RPS6KA4: variants seen among roughly 807,000 people sequenced by gnomAD.
The protein encoded by RPS6KA4 is ribosomal protein S6 kinase alpha-4.
A neutral mutation model predicts 89.6 loss-of-function variants in RPS6KA4; 38 were observed. That is an observed-to-expected ratio of 0.42 (90% confidence interval 0.33 to 0.56). RPS6KA4 has a LOEUF of 0.56. Ranked by LOEUF, RPS6KA4 falls within the 20% of genes least tolerant of loss-of-function variation. The pLI is 0.07. For synonymous variants in RPS6KA4, 495 were observed against 492.8 expected (o/e 1.00, Z -0.06); for missense variants, 873 against 1,098.8 (o/e 0.79, Z 2.90).
rs368407441 is a variant in RPS6KA4 at position 64,368,122 on chromosome 11, C to T, written c.1072-10C>T. 1.1e-5 allele frequency: 17 copies of T among 1,612,986 alleles called. No individual in the cohort carries two copies. Among genetic ancestry groups the T allele is most frequent in the Admixed American group, 3.3e-5 (2 of 59,988 alleles). Reference sequence around the variant, plus strand: ...TGCCCATGCCCATTCCCCGGACTCCCGCCCTGCAGGGATACTCCTTTGTGG... The same window carrying T: ...TGCCCATGCCCATTCCCCGGACTCCTGCCCTGCAGGGATACTCCTTTGTGG... On this transcript the variant is annotated splice_polypyrimidine_tract_variant and intron_variant, in intron 9 of 16. Coordinates refer to ENST00000334205, the MANE Select transcript of RPS6KA4 (RefSeq NM_003942.3).
chr11:64,360,237 C>A lies in RPS6KA4; in HGVS notation c.202C>A (p.Arg68Ser), dbSNP rs866130178. 1.1e-5 allele frequency: 17 copies of A among 1,547,914 alleles called. No homozygotes were observed. Among genetic ancestry groups the A allele is most frequent in the Middle Eastern group, 2.2e-4 (1 of 4,476 alleles). The stretch of plus-strand genomic sequence containing the variant: ...GAAGCTGTACGCCATGAAGGTGCTG[C>A]GCAAGGCGGCGCTGGTGCAGCGCGC... ...AGKLYAMKVL[R>S]KAALVQRAKT... The change falls in exon 3 of 17, where the codon CGC becomes AGC. Residue 68 changes from arginine to serine, a missense_variant. Around this residue, in one of 4 missense-constraint regions of RPS6KA4, gnomAD observed 542 missense variants for 736.4 expected, o/e 0.74. Transcript: ENST00000334205.
chr11:64,370,120 C>A lies in RPS6KA4; in HGVS notation c.1798-105C>A. 1 of 1,353,442 alleles carries A rather than the reference C, an allele frequency of 7.4e-7. No individual in the cohort carries two copies. The highest frequency in any genetic ancestry group is 9.9e-7 in the Non-Finnish European group (1 of 1,006,168). 83.8% of individuals were successfully genotyped at this position (1,353,442 alleles called of 1,614,324 possible). A position where few individuals can be genotyped will look rare whatever the true frequency, so the allele number is the denominator to read the frequency against. On this transcript the variant is annotated intron_variant, in intron 14 of 16. Coordinates refer to ENST00000334205, the MANE Select transcript of RPS6KA4 (RefSeq NM_003942.3). The surrounding 1 kb of genome is among the most constrained non-coding windows in gnomAD (Gnocchi z 4.1). Reference sequence around the variant, plus strand: ...AAGTCAGGGTTCACCACGCGTGGGTCTCAGGAGTGCCCCTAGTGGGGAGGG... The same window carrying A: ...AAGTCAGGGTTCACCACGCGTGGGTATCAGGAGTGCCCCTAGTGGGGAGGG...
rs1395218082 is a variant in RPS6KA4 at position 64,371,350 on chromosome 11, G to A, written c.2189G>A (p.Arg730Gln). 1.2e-6 allele frequency: 2 copies of A among 1,612,696 alleles called. No individual in the cohort carries two copies. Among genetic ancestry groups the A allele is most frequent in the East Asian group, 2.2e-5 (1 of 44,870 alleles). ...GTGGAGAATGCACCCCTGGCCAAGCGGCGGAAGCAGAAGCTGCGGAGCGCC... is the reference window on the plus strand; with the variant it reads ...GTGGAGAATGCACCCCTGGCCAAGCAGCGGAAGCAGAAGCTGCGGAGCGCC... ...KSVENAPLAKRRKQKLRSATA... is the reference protein window; with the variant it reads ...KSVENAPLAKQRKQKLRSATA... Residue 730 changes from arginine to glutamine, a missense_variant, in exon 17 of 17, where the codon CGG becomes CAG. Arg to Gln is a conservative substitution (Grantham distance 43, BLOSUM62 1). Transcript: ENST00000334205.
chr11:64,362,319 G>C (rs1352814351), intron 8 of RPS6KA4, among the ~76,000 whole-genome samples: 1 of 152,264 alleles, frequency 6.6e-6, no homozygotes, highest in African/African-American at 2.4e-5. Context: ...ATGGTGCCGA[G>C]TTGGGAATAG....
At position 64,370,100 on chromosome 11, in the gene RPS6KA4, A is replaced by G. The variant is rs2037017885; in HGVS notation, c.1798-125A>G. ...ATCCGGGTATTGGGGGTTAGAAGTC[A>G]GGGTTCACCACGCGTGGGTCTCAGG... On this transcript the variant is annotated intron_variant, in intron 14 of 16. Transcript: ENST00000334205. This position sits in a 1 kb window ranked among gnomAD's most constrained non-coding sequence, Gnocchi z 4.1. 4 of 1,198,646 alleles carry G rather than the reference A, an allele frequency of 3.3e-6. No homozygotes were observed. In the East Asian group the frequency reaches 1.0e-4, roughly 31 times the overall value. 74.3% of individuals were successfully genotyped at this position (1,198,646 alleles called of 1,614,324 possible).
Position 64,370,784 on chromosome 11 carries a change from T to C in RPS6KA4, c.2121+58T>C. ...GGGCGAAGCCTCGAGAGGTGGGGTC[T>C]GGGGAGGCCCGGCCATCGGAGCACA... On this transcript the variant is annotated intron_variant, in intron 16 of 16. Transcript: ENST00000334205. This position sits in a 1 kb window ranked among gnomAD's most constrained non-coding sequence, Gnocchi z 4.1. 6.9e-7 allele frequency: 1 copy of C among 1,453,606 alleles called. No individual in the cohort carries two copies. The highest frequency in any genetic ancestry group is 9.1e-7 in the Non-Finnish European group (1 of 1,103,532). 90.0% of individuals were successfully genotyped at this position (1,453,606 alleles called of 1,614,324 possible).
Position 64,368,555 on chromosome 11 carries a change from C to T in RPS6KA4, c.1288C>T (p.Gln430Ter). Reference sequence around the variant, plus strand: ...CTTTTCTGTGTGTCGCCGCTGCCGCCAGCGCCAGAGCGGCCAGGAGTTCGC... The same window carrying T: ...CTTTTCTGTGTGTCGCCGCTGCCGCTAGCGCCAGAGCGGCCAGGAGTTCGC... ...GSFSVCRRCRQRQSGQEFAVK... is the reference protein window; with the variant it reads ...GSFSVCRRCR Residue 430 changes from glutamine to a stop codon, truncating the protein, a stop_gained, in exon 11 of 17, where the codon CAG becomes TAG. Coordinates refer to ENST00000334205, the MANE Select transcript of RPS6KA4 (RefSeq NM_003942.3). LOFTEE classifies it high-confidence loss of function. The T allele has an allele frequency of 6.3e-7, 1 of 1,597,158 alleles. No individual in the cohort carries two copies. Among genetic ancestry groups the T allele is most frequent in the Non-Finnish European group, 8.5e-7 (1 of 1,174,248 alleles).
Position 64,359,700 on chromosome 11 carries a change from G to T in RPS6KA4, c.127+251G>T, listed in dbSNP as rs773472266. 1.1e-3 allele frequency: 594 copies of T among 564,302 alleles called. 1 individual carries two copies. The highest frequency in any genetic ancestry group is 1.4e-3 in the Non-Finnish European group (443 of 316,954). The allele number at this position is 564,302 out of a possible 1,614,324, so 35.0% of individuals were successfully genotyped here. A position where few individuals can be genotyped will look rare whatever the true frequency, so the allele number is the denominator to read the frequency against. ...CCTGGATTTGCCAACACCCTGGGGAGGGGGACTGGCGCCCCTCTCAAGTGA... is the reference window on the plus strand; with the variant it reads ...CCTGGATTTGCCAACACCCTGGGGATGGGGACTGGCGCCCCTCTCAAGTGA... On this transcript the variant is annotated intron_variant, in intron 2 of 16. Transcript: ENST00000334205.
At position 64,361,218 on chromosome 11, in the gene RPS6KA4, A is replaced by G. The variant is rs751103067; in HGVS notation, c.547A>G (p.Ser183Gly). 6.2e-7 allele frequency: 1 copy of G among 1,613,396 alleles called. No individual in the cohort carries two copies. The highest frequency in any genetic ancestry group is 1.1e-5 in the South Asian group (1 of 91,066). ...GHIVLTDFGLSKEFLTEEKER... is the reference protein window; with the variant it reads ...GHIVLTDFGLGKEFLTEEKER... Reference sequence around the variant, plus strand: ...CATTGTCCTCACGGACTTCGGGCTGAGCAAGGAGTTCCTGACGGAGGAGGT... The same window carrying G: ...CATTGTCCTCACGGACTTCGGGCTGGGCAAGGAGTTCCTGACGGAGGAGGT... The change falls in exon 5 of 17, where the codon AGC becomes GGC. Residue 183 changes from serine (S) to glycine (G), a missense_variant. Around this residue, in one of 4 missense-constraint regions of RPS6KA4, gnomAD observed 542 missense variants for 736.4 expected, o/e 0.74. Transcript: ENST00000334205. This position sits in a 1 kb window ranked among gnomAD's most constrained non-coding sequence, Gnocchi z 4.7.
At chr11:64,360,752 G>A (rs2036723538) in intron 4 of RPS6KA4, 160 bp downstream of exon 4, 4 of 655,278 alleles carry the variant, frequency 6.1e-6, no homozygotes, top group African/African-American at 1.8e-5. Context: ...ACCCCTTGCA[G>A]GAAGCCTCAA....
At chr11:64,368,039 G>C (rs1196934493) in intron 9 of RPS6KA4, 93 bp from the exon 10 acceptor site, 2 of 1,411,718 alleles carry the variant, frequency 1.4e-6, no homozygotes, top group African/African-American at 2.8e-5. Context: ...CCTTGTCCAG[G>C]GTCTTGCCTT....
chr11:64,365,355 C>A lies in RPS6KA4; in HGVS notation c.961C>A (p.Gln321Lys). 1.2e-6 allele frequency: 2 copies of A among 1,614,084 alleles called. No homozygotes were observed. The highest frequency in any genetic ancestry group is 1.7e-6 in the Non-Finnish European group (2 of 1,179,996). The change falls in exon 9 of 17, where the codon CAA (glutamine) becomes AAA (lysine). Residue 321 changes from glutamine (Q) to lysine (K), a missense_variant. By Grantham distance (53) the Gln-to-Lys change is moderately conservative. Around this residue, in one of 4 missense-constraint regions of RPS6KA4, gnomAD observed 542 missense variants for 736.4 expected, o/e 0.74. Coordinates refer to ENST00000334205, the MANE Select transcript of RPS6KA4 (RefSeq NM_003942.3). ...ARKIPAPFRP[Q>K]IRSELDVGNF... ...GAAGATTCCAGCCCCATTCCGGCCC[C>A]AAATCCGCTCAGAGCTGGATGTGGG...
intron 10 of RPS6KA4, 73 bp downstream of exon 10, chr11:64,368,333 G>T (rs2036941514): frequency 1.3e-6 from 2 of 1,569,954 alleles, no homozygotes; most frequent in Non-Finnish European, 1.7e-6. Flanking sequence ...TCTAGGCCTA[G>T]ATCCAACTGG....
Position 64,370,512 on chromosome 11 carries a change from G to T in RPS6KA4, c.1958-51G>T. ...GTGGGGCTGTTACGATCTCTTTGGGGCTCAGCCTTTACGCCAGGCTCCTCC... is the reference window on the plus strand; with the variant it reads ...GTGGGGCTGTTACGATCTCTTTGGGTCTCAGCCTTTACGCCAGGCTCCTCC... On this transcript the variant is annotated intron_variant, in intron 15 of 16. Coordinates refer to ENST00000334205, the MANE Select transcript of RPS6KA4 (RefSeq NM_003942.3). This position sits in a 1 kb window ranked among gnomAD's most constrained non-coding sequence, Gnocchi z 4.1. 1.3e-6 allele frequency: 2 copies of T among 1,594,220 alleles called. No individual in the cohort carries two copies. The highest frequency in any genetic ancestry group is 2.2e-5 in the South Asian group (2 of 89,808).
At chr11:64,367,327 TG>T (rs1197731508) in intron 9 of RPS6KA4, among the ~76,000 whole-genome samples, 2 of 133,900 alleles carry the variant, frequency 1.5e-5, no homozygotes, top group Non-Finnish European at 3.3e-5. Context: ...TTTTTTTTTT[TG>T]AGACGCAGTT....
chr11:64,369,419 G>T, intron 12 of RPS6KA4, 27 bp from the exon 13 acceptor site: 1 of 1,558,486 alleles, frequency 6.4e-7, no homozygotes, highest in South Asian at 1.2e-5. Flanking sequence ...GGTGGGTGTT[G>T]ACCTTGGCCC....
intron 3 of RPS6KA4, 24 bp downstream of exon 3, chr11:64,360,405 G>T (rs751909358): frequency 6.4e-7 from 1 of 1,560,176 alleles, no homozygotes; most frequent in Non-Finnish European, 8.7e-7. Flanking sequence ...ACATCCCAAC[G>T]GGGTTGGGGT....
In RPS6KA4 at chr11:64,370,467, G is replaced by C. The variant is rs1171440393; in HGVS notation, c.1957+83G>C. The C allele has an allele frequency of 1.2e-6, 2 of 1,604,570 alleles. No homozygotes were observed. The highest frequency in any genetic ancestry group is 1.7e-6 in the Non-Finnish European group (2 of 1,175,912). ...GTCACTGGGCCAGGTGTCCTGGTTG[G>C]GGATGGGTAGGGGAGGAGAGTGGGG... On this transcript the variant is annotated intron_variant, in intron 15 of 16. Transcript: ENST00000334205. The surrounding 1 kb of genome is among the most constrained non-coding windows in gnomAD (Gnocchi z 4.1).
rs1480788742 is a variant in RPS6KA4, at chr11:64,369,528, C to T, written c.1511C>T (p.Ser504Leu). 3.7e-6 allele frequency: 6 copies of T among 1,608,818 alleles called. No homozygotes were observed. Among genetic ancestry groups the T allele is most frequent in the South Asian group, 2.2e-5 (2 of 90,560 alleles). ...HIRKKRHFSE[S>L]EASQILRSLV... ...CGCAAGAAGCGGCACTTCAGCGAGT[C>T]GGAAGCAAGCCAGATCCTGCGCAGC... is the stretch of plus-strand genomic sequence containing the variant. Residue 504 changes from serine (S) to leucine (L), a missense_variant, in exon 13 of 17, where the codon TCG (serine) becomes TTG (leucine). Ser to Leu is a moderately radical substitution (Grantham distance 145). Coordinates refer to ENST00000334205, the MANE Select transcript of RPS6KA4 (RefSeq NM_003942.3).
Sources: gnomAD v4.1 joint callset for allele counts (sites outside exome capture counted in the v4.1 genomes callset) on GRCh38, gnomAD v4.1.1 for gene constraint, gnomAD v4.1.1 regional missense constraint, Gnocchi (gnomAD v3.1) non-coding constraint, MANE v1.5 for transcripts, NCBI Gene and HGNC (gene_info 2026-07-23, HGNC 2026-07-21) for gene names.